Variants in CREM observed in about 807,000 individuals in gnomAD.
CREM encodes cAMP responsive element modulator.
A neutral mutation model predicts 37.3 loss-of-function variants in CREM; 13 were observed. The observed-to-expected ratio is 0.35, with a 90% CI of 0.23 to 0.55. CREM has a LOEUF of 0.55. Among genes scored for constraint, CREM ranks in the 20% least tolerant of loss-of-function variants. The probability of loss-of-function intolerance (pLI) is 0.88; values close to 1 mark genes in which losing one functional copy is unlikely to be tolerated. For missense variants in CREM, 296 were observed against 362.3 expected (o/e 0.82, Z 1.49); for synonymous variants, 124 against 120.2 (o/e 1.03, Z -0.21).
intron 3 of CREM, among the ~76,000 whole-genome samples, chr10:35,163,081 C>T (rs1192914707): frequency 6.6e-6 from 1 of 151,824 alleles, no homozygotes; most frequent in Non-Finnish European, 1.5e-5. Flanking sequence ...TGGCACTTGC[C>T]TGTAGTGCTA....
intron 5 of CREM, among the ~76,000 whole-genome samples, chr10:35,184,307 AT>A (rs1185429616): frequency 6.6e-6 from 1 of 152,124 alleles, no homozygotes; most frequent in African/African-American, 2.4e-5. Context: ...ATTTCATCTT[AT>A]TTTTTCTATC....
intron 1 of CREM, among the ~76,000 whole-genome samples, chr10:35,134,563 A>G (rs964414858): frequency 2.6e-5 from 4 of 152,096 alleles, no homozygotes; most frequent in Non-Finnish European, 4.4e-5. Flanking sequence ...CTCTATCAGC[A>G]TATTGTATTT....
intron 2 of CREM, among the ~76,000 whole-genome samples, chr10:35,142,082 T>G (rs896022719): frequency 1.1e-4 from 17 of 152,110 alleles, no homozygotes; most frequent in African/African-American, 4.1e-4. Flanking sequence ...TCTAGGAGTA[T>G]GTGGGATGTG....
At chr10:35,135,550 A>G (rs1027948151) in intron 1 of CREM, 1 of 151,972 alleles carries the variant, frequency 6.6e-6, no homozygotes, top group Non-Finnish European at 1.5e-5. Context: ...TACAGGATAT[A>G]TCAGTATCCT....
intron 3 of CREM, among the ~76,000 whole-genome samples, chr10:35,161,554 C>T (rs1353830131): frequency 6.6e-6 from 1 of 151,682 alleles, no homozygotes; most frequent in East Asian, 2.0e-4. Flanking sequence ...ATCCCAGTTA[C>T]TCAGAGGCTG....
intron 6 of CREM, among the ~76,000 whole-genome samples, chr10:35,203,489 C>G (rs535973743): frequency 6.6e-6 from 1 of 151,980 alleles, no homozygotes; most frequent in Non-Finnish European, 1.5e-5. Context: ...GTTAGGAGTT[C>G]GAGACCAGCC....
chr10:35,203,096 T>C (rs192956372), intron 6 of CREM, among the ~76,000 whole-genome samples: 46 of 151,946 alleles, frequency 3.0e-4, no homozygotes, highest in African/African-American at 1.0e-3. Flanking sequence ...ACTCTGTCGC[T>C]CAGGCTGGAG....
At chr10:35,193,249 CTGAAAA>C (rs2094996303) in intron 6 of CREM, among the ~76,000 whole-genome samples, 2 of 152,210 alleles carry the variant, frequency 1.3e-5, no homozygotes, top group Non-Finnish European at 2.9e-5. Context: ...TGTTCTTCCT[CTGAAAA>C]TGTGATTTGT....
At chr10:35,167,644 C>A (rs988626196) in intron 3 of CREM, 3 of 1,422,500 alleles carry the variant, frequency 2.1e-6, no homozygotes, top group African/African-American at 2.9e-5. Flanking sequence ...TTTTTAATTG[C>A]AAAGCCAAAT....
At chr10:35,162,870 G>T (rs546351715) in intron 3 of CREM, among the ~76,000 whole-genome samples, 1 of 151,962 alleles carries the variant, frequency 6.6e-6, no homozygotes, top group Admixed American at 6.6e-5. Flanking sequence ...CACTTTCTTC[G>T]GGCACCAGCA....
At chr10:35,188,761 G>C (rs1207600771) in intron 6 of CREM, among the ~76,000 whole-genome samples, 4 of 151,508 alleles carry the variant, frequency 2.6e-5, no homozygotes, top group African/African-American at 9.7e-5. Context: ...GGGTTCAAGT[G>C]ATTCTTCTGC....
chr10:35,158,464 AAG>A, intron 3 of CREM: 1 of 259,594 alleles, frequency 3.9e-6, no homozygotes, highest in Non-Finnish European at 7.7e-6. Flanking sequence ...AGAGGGTAAA[AAG>A]AGTTCAAGGC....
chr10:35,186,066 C>T (rs778176496), intron 5 of CREM, among the ~76,000 whole-genome samples: 7 of 152,132 alleles, frequency 4.6e-5, no homozygotes, highest in Non-Finnish European at 8.8e-5. Flanking sequence ...ACTACTGTTA[C>T]GCTACTGTAA....
chr10:35,152,660 G>A (rs879750117), intron 3 of CREM, among the ~76,000 whole-genome samples: 1 of 152,140 alleles, frequency 6.6e-6, no homozygotes, highest in Non-Finnish European at 1.5e-5. Context: ...TTGATATACA[G>A]GACTAGACTC....
intron 2 of CREM, among the ~76,000 whole-genome samples, chr10:35,142,104 A>G (rs759398669): frequency 6.6e-6 from 1 of 152,130 alleles, no homozygotes; most frequent in Non-Finnish European, 1.5e-5. Context: ...AGTAACGGAG[A>G]TAGTAGTGTT....
intron 6 of CREM, among the ~76,000 whole-genome samples, chr10:35,198,606 A>C (rs889867537): frequency 2.4e-4 from 36 of 152,086 alleles, no homozygotes; most frequent in Admixed American, 1.2e-3. Context: ...TTTATTAGAA[A>C]TTGCCTTTGT....
intron 3 of CREM, 174 bp downstream of exon 3, chr10:35,148,665 C>T (rs1182271329): frequency 1.1e-5 from 8 of 708,384 alleles, no homozygotes; most frequent in South Asian, 4.3e-5. Flanking sequence ...TGCATTTTAA[C>T]AGACATTCAG....
intron 3 of CREM, among the ~76,000 whole-genome samples, chr10:35,150,341 T>C (rs1395333973): frequency 1.3e-5 from 2 of 152,112 alleles, no homozygotes; most frequent in Non-Finnish European, 2.9e-5. Flanking sequence ...GAAAGTACAT[T>C]TTCTTCCTTC....
intron 3 of CREM, among the ~76,000 whole-genome samples, chr10:35,157,677 C>A (rs1392096175): frequency 1.3e-5 from 2 of 150,172 alleles, no homozygotes; most frequent in Non-Finnish European, 3.0e-5. Context: ...CCCATTTTTG[C>A]CACTTCTATT....
Sources: allele counts gnomAD v4.1 joint callset (sites outside exome capture counted in the v4.1 genomes callset), GRCh38; gene constraint gnomAD v4.1.1; transcripts MANE v1.5; gene names NCBI Gene and HGNC (gene_info 2026-07-23, HGNC 2026-07-21).